Variants in ATE1 observed in about 807,000 individuals in gnomAD.
ATE1 encodes arginyltransferase 1, also known as arginyl-tRNA--protein transferase 1.
A neutral mutation model predicts 70.5 loss-of-function variants in ATE1; 36 were observed. The observed-to-expected ratio is 0.51, with a 90% CI of 0.39 to 0.67. ATE1 has a LOEUF of 0.67. ATE1 is among the 30% of genes least tolerant of loss of function. The pLI is 0.00. For missense variants in ATE1, 593 were observed against 629.5 expected (o/e 0.94, Z 0.62); for synonymous variants, 232 against 219.3 (o/e 1.06, Z -0.51).
intron 10 of ATE1, among the ~76,000 whole-genome samples, chr10:121,814,398 T>C (rs896645859): frequency 2.0e-5 from 3 of 152,196 alleles, no homozygotes; most frequent in Non-Finnish European, 4.4e-5. Context: ...ATGTAAATCA[T>C]CCTTGAGCAG....
chr10:121,810,911 C>G (rs910478060), intron 10 of ATE1, among the ~76,000 whole-genome samples: 13 of 152,120 alleles, frequency 8.5e-5, no homozygotes, highest in African/African-American at 2.9e-4. Context: ...CCATATTGGC[C>G]AGGCTGGTCT....
intron 5 of ATE1, among the ~76,000 whole-genome samples, chr10:121,906,205 G>A (rs1036119290): frequency 1.3e-5 from 2 of 152,028 alleles, no homozygotes; most frequent in African/African-American, 4.8e-5. Context: ...ACCAGCCTGG[G>A]CAACATAGCA....
chr10:121,861,614 G>A (rs1204541545), intron 8 of ATE1, among the ~76,000 whole-genome samples: 1 of 136,652 alleles, frequency 7.3e-6, no homozygotes, highest in Non-Finnish European at 1.6e-5. Flanking sequence ...AGGGGGGAGG[G>A]GGGAGGGATA....
chr10:121,805,774 A>G (rs1480479861), intron 10 of ATE1, among the ~76,000 whole-genome samples: 1 of 152,186 alleles, frequency 6.6e-6, no homozygotes, highest in Admixed American at 6.5e-5. Context: ...AACAAAAAGA[A>G]CCTACCACTG....
In ATE1 at chr10:121,835,124, A is replaced by G. The variant is rs566377418; in HGVS notation, c.1257+1594T>C. ...TCATACTTTTCCTTCTGTACAGAAC[A>G]TATGTTAAGGCCCATCAAGTGAATT... On this transcript the variant is annotated intron_variant, in intron 10 of 11. Coordinates refer to ENST00000224652, the MANE Select transcript of ATE1 (RefSeq NM_001001976.3). 2.0e-5 allele frequency among the ~76,000 whole-genome samples: 3 copies of G among 152,316 alleles called. No individual in the cohort carries two copies. The East Asian group carries it at 5.8e-4, about 29-fold the overall frequency.
chr10:121,920,887 G>A (rs1035192012), intron 3 of ATE1, among the ~76,000 whole-genome samples: 1 of 151,848 alleles, frequency 6.6e-6, no homozygotes, highest in African/African-American at 2.4e-5. Context: ...CCAGCTACTC[G>A]GGAGGCTGAG....
intron 11 of ATE1, among the ~76,000 whole-genome samples, chr10:121,770,824 A>AAATG (rs1945486587): frequency 6.6e-6 from 1 of 152,166 alleles, no homozygotes; most frequent in East Asian, 1.9e-4. Context: ...AAAGAATCTT[A>AAATG]AATGAATGAA....
chr10:121,895,334 G>A (rs1414803024), intron 7 of ATE1, among the ~76,000 whole-genome samples: 2 of 152,232 alleles, frequency 1.3e-5, no homozygotes, highest in African/African-American at 4.8e-5. Context: ...CCAAGGCTGA[G>A]CACGGTGGCT....
chr10:121,916,412 AG>A (rs1261136513), intron 3 of ATE1, among the ~76,000 whole-genome samples: 30 of 152,232 alleles, frequency 2.0e-4, no homozygotes, highest in Non-Finnish European at 4.1e-4. Flanking sequence ...AAGTTTGAGC[AG>A]TGAATCAAAG....
chr10:121,876,491 T>C (rs1950053048), intron 7 of ATE1, among the ~76,000 whole-genome samples: 1 of 152,252 alleles, frequency 6.6e-6, no homozygotes, highest in African/African-American at 2.4e-5. Flanking sequence ...ATGGTGGCTC[T>C]ATACTTAACA....
intron 10 of ATE1, among the ~76,000 whole-genome samples, chr10:121,835,415 T>C (rs1027966650): frequency 4.1e-5 from 6 of 145,106 alleles, no homozygotes; most frequent in African/African-American, 1.5e-4. Flanking sequence ...TTTGGAAATA[T>C]AATCATCCCC....
chr10:121,834,337 G>A (rs1378948933), intron 10 of ATE1, among the ~76,000 whole-genome samples: 1 of 152,148 alleles, frequency 6.6e-6, no homozygotes. Context: ...GTTCATGGCT[G>A]TTATTTCCAG....
chr10:121,782,061 T>C (rs927268438), intron 11 of ATE1, among the ~76,000 whole-genome samples: 1 of 152,082 alleles, frequency 6.6e-6, no homozygotes, highest in Non-Finnish European at 1.5e-5. Flanking sequence ...CAAAAAAGAA[T>C]CTAAATAGTT....
chr10:121,882,948 A>G (rs11200211), intron 7 of ATE1, among the ~76,000 whole-genome samples: 26 of 152,334 alleles, frequency 1.7e-4, no homozygotes, highest in Non-Finnish European at 3.8e-4. Flanking sequence ...GCTACTCCAG[A>G]ACTTCAGACA....
At position 121,927,782 on chromosome 10, in the gene ATE1, G is replaced by C. The variant is rs1293053960; in HGVS notation, c.106+62C>G. The C allele has an allele frequency of 1.8e-5, 27 of 1,504,412 alleles. No individual in the cohort carries two copies. In the East Asian group the frequency reaches 7.3e-4, roughly 41 times the overall value. The allele number at this position is 1,504,412 out of a possible 1,614,324, so 93.2% of individuals were successfully genotyped here. Reference sequence around the variant, plus strand: ...CGGCCCCCTCGCGTCCTCGCTGGGGGACCCTGGGATCCCGAGACCCGGGCG... The same window carrying C: ...CGGCCCCCTCGCGTCCTCGCTGGGGCACCCTGGGATCCCGAGACCCGGGCG... On this transcript the variant is annotated intron_variant, in intron 1 of 11. Transcript: ENST00000224652.
chr10:121,861,571 A>T (rs1949469331), intron 8 of ATE1, among the ~76,000 whole-genome samples: 1 of 130,250 alleles, frequency 7.7e-6, no homozygotes, highest in African/African-American at 2.8e-5. Flanking sequence ...GAAGGGGAAC[A>T]TCACACTCTG....
chr10:121,745,552 T>A (rs1318814426), intron 11 of ATE1, among the ~76,000 whole-genome samples: 1 of 150,826 alleles, frequency 6.6e-6, no homozygotes, highest in Non-Finnish European at 1.5e-5. Flanking sequence ...CCGTCTCTAC[T>A]AAAAAAAAAC....
Position 121,919,681 on chromosome 10 carries a change from G to A in ATE1, c.233+2668C>T, listed in dbSNP as rs561880148. Among the ~76,000 whole-genome samples the A allele has an allele frequency of 1.8e-4, 27 of 149,586 alleles. No individual in the cohort carries two copies. The East Asian group carries it at 5.6e-3, about 31-fold the overall frequency. On this transcript the variant is annotated intron_variant, in intron 3 of 11. Transcript: ENST00000224652. ...CTGAAATCCCAGCACTTTGAGGTGG[G>A]TAGATCACGAGTTCGAGAGTAGCGC... is the stretch of plus-strand genomic sequence containing the variant.
At chr10:121,805,000 G>A (rs903164207) in intron 10 of ATE1, among the ~76,000 whole-genome samples, 3 of 152,064 alleles carry the variant, frequency 2.0e-5, no homozygotes, top group East Asian at 1.9e-4. Flanking sequence ...AAAATCTATC[G>A]CTAAATAAAT....
Sources: gnomAD v4.1 joint callset for allele counts (sites outside exome capture counted in the v4.1 genomes callset) on GRCh38, gnomAD v4.1.1 for gene constraint, MANE v1.5 for transcripts, NCBI Gene and HGNC (gene_info 2026-07-23, HGNC 2026-07-21) for gene names.